Variants in CCSER1 observed in about 807,000 individuals in gnomAD.
The protein encoded by CCSER1 is coiled-coil serine rich protein 1.
A neutral mutation model predicts 82.0 loss-of-function variants in CCSER1; 41 were observed. The ratio of observed to expected loss-of-function variants is 0.50; its 90% confidence interval spans 0.39 to 0.65. The LOEUF is 0.65. Among genes scored for constraint, CCSER1 ranks in the 30% least tolerant of loss-of-function variants. CCSER1 has a pLI of 0.00. For missense variants in CCSER1, 1,119 were observed against 1,064.2 expected, an observed-to-expected ratio of 1.05 and a Z score of -0.72; for synonymous variants, 414 against 383.9, an observed-to-expected ratio of 1.08 and a Z score of -0.92.
At chr4:90,805,270 C>A (rs2149715784) in intron 7 of CCSER1, among the ~76,000 whole-genome samples, 1 of 152,242 alleles carries the variant, frequency 6.6e-6, no homozygotes, top group South Asian at 2.1e-4. Flanking sequence ...CTTTAGTCAC[C>A]TGAAGACTCC....
rs28623563 is a variant in CCSER1, at chr4:90,305,966, G to C, written c.-41-2278G>C. 6.0e-3 allele frequency among the ~76,000 whole-genome samples: 917 copies of C among 152,240 alleles called. 8 individuals are homozygous for C. The highest frequency in any genetic ancestry group is 0.021 in the African/African-American group (888 of 41,540). Reference sequence around the variant, plus strand: ...TGGATGAATGGATTAAGAAAATGTGGTTTATTTATATAATGAAATGCTATT... The same window carrying C: ...TGGATGAATGGATTAAGAAAATGTGCTTTATTTATATAATGAAATGCTATT... On this transcript the variant is annotated intron_variant, in intron 1 of 10. Transcript: ENST00000509176.
intron 5 of CCSER1, among the ~76,000 whole-genome samples, chr4:90,470,782 C>CA (rs1166283970): frequency 1.8e-5 from 2 of 113,330 alleles, no homozygotes; most frequent in African/African-American, 6.3e-5. Context: ...AAAAAAAAAA[C>CA]AAAACACCCA....
chr4:91,228,960 C>T (rs1418018016), intron 10 of CCSER1, among the ~76,000 whole-genome samples: 1 of 152,006 alleles, frequency 6.6e-6, no homozygotes, highest in Non-Finnish European at 1.5e-5. Context: ...GACAACAATC[C>T]TTTATTTGTA....
chr4:91,307,328 T>C (rs1745140287), intron 10 of CCSER1, among the ~76,000 whole-genome samples: 3 of 148,902 alleles, frequency 2.0e-5, no homozygotes, highest in Admixed American at 6.8e-5. Context: ...AGTCTTATCT[T>C]GCTATTTCCT....
intron 5 of CCSER1, among the ~76,000 whole-genome samples, chr4:90,525,741 C>T (rs1773680640): frequency 6.6e-6 from 1 of 152,048 alleles, no homozygotes; most frequent in African/African-American, 2.4e-5. Context: ...TGGGCTGAAG[C>T]AATCCTTCTA....
At position 91,457,279 on chromosome 4, in the gene CCSER1, C is replaced by G. The variant is rs528209998; in HGVS notation, c.2218-141293C>G. 4.6e-5 allele frequency among the ~76,000 whole-genome samples: 7 copies of G among 152,200 alleles called. No homozygotes were observed. In the South Asian group the frequency reaches 1.5e-3, roughly 32 times the overall value. ...TTTTGCCTGAAAATACATGTTTTAA[C>G]ATTGTACAATTTTTTTCTAACTTGA... On this transcript the variant is annotated intron_variant, in intron 10 of 10. Transcript: ENST00000509176.
chr4:90,900,459 T>G (rs1308256300), intron 8 of CCSER1, among the ~76,000 whole-genome samples: 1 of 152,032 alleles, frequency 6.6e-6, no homozygotes, highest in Admixed American at 6.6e-5. Context: ...CTCTTAACAC[T>G]GCTTTTTCTG....
chr4:91,104,450 A>G (rs1274639223), intron 10 of CCSER1, among the ~76,000 whole-genome samples: 2 of 152,082 alleles, frequency 1.3e-5, no homozygotes, highest in African/African-American at 2.4e-5. Context: ...TCTTTGTACT[A>G]TCTCTCTTTA....
In CCSER1 at chr4:90,250,912, A is replaced by C. The variant is rs188377614; in HGVS notation, c.-41-57332A>C. On this transcript the variant is annotated intron_variant, in intron 1 of 10. Coordinates refer to ENST00000509176, the MANE Select transcript of CCSER1 (RefSeq NM_001145065.2). ...GAGTACAAGTATTGCACTTTTTATT[A>C]AACTTATTCCTAGAGATTTTTTCTT... is the stretch of plus-strand genomic sequence containing the variant. Among the ~76,000 whole-genome samples, 477 of 152,094 alleles carry C rather than the reference A, an allele frequency of 3.1e-3. 3 individuals carry two copies. The highest frequency in any genetic ancestry group is 6.0e-3 in the Non-Finnish European group (405 of 67,884).
At chr4:90,550,636 G>A (rs1174384814) in intron 5 of CCSER1, among the ~76,000 whole-genome samples, 1 of 152,124 alleles carries the variant, frequency 6.6e-6, no homozygotes, top group East Asian at 1.9e-4. Flanking sequence ...AAGTGTAATT[G>A]TTCTTCAATG....
At chr4:91,266,005 C>T (rs1277336811) in intron 10 of CCSER1, among the ~76,000 whole-genome samples, 2 of 151,996 alleles carry the variant, frequency 1.3e-5, no homozygotes, top group African/African-American at 4.8e-5. Context: ...AGTAGAAGCC[C>T]CTTGTAAAAC....
intron 9 of CCSER1, among the ~76,000 whole-genome samples, chr4:90,959,438 G>GT (rs1283978263): frequency 1.3e-5 from 2 of 152,136 alleles, no homozygotes; most frequent in Non-Finnish European, 2.9e-5. Context: ...AACAAACTGA[G>GT]ACTCAGGGAA....
At chr4:91,371,504 T>C (rs1750046372) in intron 10 of CCSER1, among the ~76,000 whole-genome samples, 1 of 152,162 alleles carries the variant, frequency 6.6e-6, no homozygotes, top group African/African-American at 2.4e-5. Flanking sequence ...AAATGACAGG[T>C]TCTCTTATTT....
chr4:91,089,881 A>T (rs1477445373), intron 10 of CCSER1, among the ~76,000 whole-genome samples: 1 of 152,200 alleles, frequency 6.6e-6, no homozygotes, highest in Non-Finnish European at 1.5e-5. Context: ...AGAAATTAGT[A>T]AGGTTAAATT....
intron 8 of CCSER1, among the ~76,000 whole-genome samples, chr4:90,861,792 C>T (rs1765114310): frequency 6.6e-6 from 1 of 151,054 alleles, no homozygotes; most frequent in Non-Finnish European, 1.5e-5. Context: ...AGGGCATCAG[C>T]CTATATTTCC....
At chr4:90,979,911 T>A (rs1260198970) in intron 9 of CCSER1, among the ~76,000 whole-genome samples, 1 of 151,788 alleles carries the variant, frequency 6.6e-6, no homozygotes, top group Non-Finnish European at 1.5e-5. Context: ...TTGTAGGTGC[T>A]GAGGATATAA....
intron 9 of CCSER1, among the ~76,000 whole-genome samples, chr4:90,939,589 G>A (rs568806687): frequency 6.6e-6 from 1 of 152,292 alleles, no homozygotes; most frequent in South Asian, 2.1e-4. Context: ...CAATAGAAAT[G>A]CCATAGAGCC....
intron 8 of CCSER1, among the ~76,000 whole-genome samples, chr4:90,829,141 G>A (rs62311074): frequency 0.11 from 16,811 of 152,088 alleles, 1,031 homozygotes; most frequent in African/African-American, 0.15. Flanking sequence ...AGTTAAAATT[G>A]ATTCTAATCT....
intron 7 of CCSER1, among the ~76,000 whole-genome samples, chr4:90,734,094 T>C (rs890890574): frequency 7.9e-5 from 12 of 151,292 alleles, no homozygotes; most frequent in Non-Finnish European, 1.6e-4. Context: ...GATTGCTATT[T>C]TTATTTTTAT....
Sources: allele counts gnomAD v4.1 joint callset (sites outside exome capture counted in the v4.1 genomes callset), GRCh38; gene constraint gnomAD v4.1.1; transcripts MANE v1.5; gene names NCBI Gene and HGNC (gene_info 2026-07-23, HGNC 2026-07-21).